The following ALX3 variants were observed in gnomAD, a reference collection of about 807,000 sequenced individuals.
The protein encoded by ALX3 is ALX homeobox 3.
In ALX3, 17 loss-of-function variants were observed where a neutral mutation model predicts 26.3. The ratio of observed to expected loss-of-function variants is 0.65; its 90% confidence interval spans 0.44 to 0.97. The LOEUF (loss-of-function observed/expected upper bound fraction) is 0.97, where lower values mean the gene tolerates loss of function less well. Among genes scored for constraint, ALX3 ranks in the 50% least tolerant of loss-of-function variants. The probability of loss-of-function intolerance (pLI) is 0.00; values close to 1 mark genes in which losing one functional copy is unlikely to be tolerated. For synonymous variants in ALX3, 208 were observed against 201.4 expected (o/e 1.03, Z -0.28); for missense variants, 461 against 466.5 (o/e 0.99, Z 0.11).
chr1:110,065,557 G>C (rs186330931), intron 1 of ALX3, among the ~76,000 whole-genome samples: 233 of 152,298 alleles, frequency 1.5e-3, no homozygotes, highest in African/African-American at 5.5e-3. Context: ...CTAAAATTGT[G>C]GTATCTGGGC....
At position 110,061,496 on chromosome 1, in the gene ALX3, C is replaced by T. The variant is rs375503292; in HGVS notation, c.662G>A (p.Arg221Gln). 105 of 1,614,104 alleles carry T rather than the reference C, an allele frequency of 6.5e-5. No homozygotes were observed. The highest frequency in any genetic ancestry group is 1.6e-4 in the Middle Eastern group (1 of 6,084). Residue 221 changes from arginine to glutamine, a missense_variant, in exon 3 of 4, where the codon CGG (arginine) becomes CAG (glutamine). By Grantham distance (43) the Arg-to-Gln change is conservative. This residue lies in a region of ALX3 where 169 missense variants were observed against 178.0 expected (regional missense o/e 0.95). Coordinates refer to ENST00000647563, the MANE Select transcript of ALX3 (RefSeq NM_006492.3). ...GTCATAGGCAGCCGTGAAGGGGTTCCGCCCCTCCTGGATCTTCCCATAACG... is the reference window on the plus strand; with the variant it reads ...GTCATAGGCAGCCGTGAAGGGGTTCTGCCCCTCCTGGATCTTCCCATAACG... ...RERYGKIQEG[R>Q]NPFTAAYDIS...
chr1:110,066,867 C>T (rs1354634475), intron 1 of ALX3, among the ~76,000 whole-genome samples: 2 of 152,152 alleles, frequency 1.3e-5, no homozygotes, highest in Non-Finnish European at 2.9e-5. Flanking sequence ...GACTTGCGTT[C>T]CCGACCTTGA....
chr1:110,061,395 A>T, intron 3 of ALX3, 40 bp downstream of exon 3: 1 of 1,614,064 alleles, frequency 6.2e-7, no homozygotes, highest in Admixed American at 1.7e-5. Context: ...CTTTTTGGTG[A>T]CCCTGCCAGG....
At chr1:110,063,139 T>G (rs1653694788) in intron 2 of ALX3, among the ~76,000 whole-genome samples, 1 of 152,312 alleles carries the variant, frequency 6.6e-6, no homozygotes, top group Non-Finnish European at 1.5e-5. Flanking sequence ...TGGCTACTCC[T>G]GCACCCTCTC....
chr1:110,068,514 C>T (rs1263687206), intron 1 of ALX3, among the ~76,000 whole-genome samples: 2 of 152,232 alleles, frequency 1.3e-5, no homozygotes, highest in Non-Finnish European at 2.9e-5. Flanking sequence ...TTTCGTTTGG[C>T]CTGTCCTCCG....
rs1381225139 is a variant in ALX3 at position 110,070,276 on chromosome 1, C to G, written c.277+60G>C. 3 of 1,284,972 alleles carry G rather than the reference C, an allele frequency of 2.3e-6. No homozygotes were observed. The African/African-American group carries it at 4.5e-5, about 19-fold the overall frequency. 79.6% of individuals were successfully genotyped at this position (1,284,972 alleles called of 1,614,324 possible). A position where few individuals can be genotyped will look rare whatever the true frequency, so the allele number is the denominator to read the frequency against. ...GATAAGCAGGAAGGCCCGGGTGGGCCCGGGTAAGGAAGAAGAAGAGAGGGT... is the reference window on the plus strand; with the variant it reads ...GATAAGCAGGAAGGCCCGGGTGGGCGCGGGTAAGGAAGAAGAAGAGAGGGT... On this transcript the variant is annotated intron_variant, in intron 1 of 3. Transcript: ENST00000647563.
At chr1:110,061,264 G>T (rs116674124) in intron 3 of ALX3, 171 bp downstream of exon 3, 3 of 1,172,316 alleles carry the variant, frequency 2.6e-6, no homozygotes, top group African/African-American at 1.5e-5. Flanking sequence ...TTTGTGTTCC[G>T]CATGCGTCAT....
intron 1 of ALX3, among the ~76,000 whole-genome samples, chr1:110,066,509 C>T (rs1347436110): frequency 1.3e-5 from 2 of 150,654 alleles, no homozygotes; most frequent in Admixed American, 1.3e-4. Context: ...GGAAGGAAGA[C>T]TCACAGAAGT....
intron 1 of ALX3, among the ~76,000 whole-genome samples, chr1:110,069,567 G>A (rs182956197): frequency 5.1e-4 from 78 of 152,366 alleles, no homozygotes; most frequent in Non-Finnish European, 8.1e-4. Flanking sequence ...AGCCCGCGGC[G>A]CCAGGGGGTT....
chr1:110,061,464 C>G lies in ALX3; in HGVS notation c.694G>C (p.Val232Leu). 1 of 1,614,222 alleles carries G rather than the reference C, an allele frequency of 6.2e-7. No homozygotes were observed. The highest frequency in any genetic ancestry group is 8.5e-7 in the Non-Finnish European group (1 of 1,180,032). The part of the protein sequence containing the change: ...NPFTAAYDIS[V>L]LPRTDSHPQL... ...GGGTGGCTGTCAGTACGGGGCAGCA[C>G]AGAGATGTCATAGGCAGCCGTGAAG... Residue 232 changes from valine (V) to leucine (L), a missense_variant, in exon 3 of 4, where the codon GTG (valine) becomes CTG (leucine). Physicochemically the swap from Val to Leu is conservative, Grantham distance 32. Transcript: ENST00000647563.
chr1:110,066,583 C>T (rs867368727), intron 1 of ALX3, among the ~76,000 whole-genome samples: 1 of 132,110 alleles, frequency 7.6e-6, no homozygotes, highest in Non-Finnish European at 1.7e-5. Context: ...CCCCCCCCCC[C>T]GCCCCCGCCA....
intron 2 of ALX3, chr1:110,062,639 G>A (rs1300086127): frequency 9.0e-4 from 1 of 1,116 alleles, no homozygotes; most frequent in Non-Finnish European, 1.2e-3. Flanking sequence ...GTGTGTGTGT[G>A]TGTGTGGAGT....
At chr1:110,067,012 C>G (rs1040805950) in intron 1 of ALX3, among the ~76,000 whole-genome samples, 5 of 152,206 alleles carry the variant, frequency 3.3e-5, no homozygotes, top group African/African-American at 1.2e-4. Context: ...CTCAAGGGAC[C>G]ACGGAACTGC....
At chr1:110,062,659 A>G (rs1303061496) in intron 2 of ALX3, 4 of 121,458 alleles carry the variant, frequency 3.3e-5, no homozygotes, top group East Asian at 2.2e-4. Context: ...TAATCCGTCT[A>G]CCCCAGCTGG....
At chr1:110,066,450 G>C (rs999568931) in intron 1 of ALX3, among the ~76,000 whole-genome samples, 1 of 152,060 alleles carries the variant, frequency 6.6e-6, no homozygotes, top group Non-Finnish European at 1.5e-5. Flanking sequence ...TTCCATTCTT[G>C]GGCCAGCACA....
intron 2 of ALX3, 109 bp from the exon 3 acceptor site, chr1:110,061,672 C>T: frequency 2.7e-6 from 4 of 1,494,626 alleles, no homozygotes; most frequent in Non-Finnish European, 3.6e-6. Context: ...GGAGCAGGCT[C>T]CAGGATGGAG....
chr1:110,060,044 T>C lies in ALX3; in HGVS notation c.*689A>G, dbSNP rs978053016. 1 of 152,262 alleles carries C rather than the reference T, an allele frequency of 6.6e-6. No individual in the cohort carries two copies. Among genetic ancestry groups the C allele is most frequent in the African/African-American group, 2.4e-5 (1 of 41,558 alleles). The allele number at this position is 152,262 out of a possible 1,614,324, so 9.4% of individuals were successfully genotyped here. On this transcript the variant is annotated 3_prime_UTR_variant, in exon 4 of 4. Transcript: ENST00000647563. ...TTACCAACATCCAATATCATTTCCA[T>C]GGCATAGCTCTGGGCTGGTCCCGTG... is the stretch of plus-strand genomic sequence containing the variant.
rs1240732822 is a variant in ALX3 at position 110,060,824 on chromosome 1, G to T, written c.941C>A (p.Pro314His). 1 of 1,613,946 alleles carries T rather than the reference G, an allele frequency of 6.2e-7. No individual in the cohort carries two copies. The highest frequency in any genetic ancestry group is 2.2e-5 in the East Asian group (1 of 44,886). ...PPTLGGHSFE[P>H]SSDGDYKSPS... ...AGACTTATAGTCACCATCTGAGGAAGGCTCAAAGCTGTGGCCCCCCAGGGT... is the reference window on the plus strand; with the variant it reads ...AGACTTATAGTCACCATCTGAGGAATGCTCAAAGCTGTGGCCCCCCAGGGT... The change falls in exon 4 of 4, where the codon CCT becomes CAT. Residue 314 changes from proline (P) to histidine (H), a missense_variant. Physicochemically the swap from Pro to His is moderately conservative, Grantham distance 77. Around this residue, in one of 3 missense-constraint regions of ALX3, gnomAD observed 169 missense variants for 178.0 expected, o/e 0.95. Transcript: ENST00000647563.
At position 110,060,850 on chromosome 1, in the gene ALX3, G is replaced by A. The variant is rs34775503; in HGVS notation, c.915C>T (p.Pro305=). ...PGIYSIHGFP[P]TLGGHSFEPS... is the part of the protein sequence containing the mutation. ...GCTCAAAGCTGTGGCCCCCCAGGGT[G>A]GGGGGAAAGCCATGGATGGAGTAGA... The change falls in exon 4 of 4, where the codon CCC becomes CCT. Residue 305 remains proline (P), a synonymous_variant. Transcript: ENST00000647563. 1,278 of 1,613,966 alleles carry A rather than the reference G, an allele frequency of 7.9e-4. 11 individuals are homozygous for A. In the African/African-American group the frequency reaches 0.015, roughly 19 times the overall value.
Sources: allele counts gnomAD v4.1 joint callset (sites outside exome capture counted in the v4.1 genomes callset), GRCh38; gene constraint gnomAD v4.1.1; regional missense constraint gnomAD v4.1.1; transcripts MANE v1.5; gene names NCBI Gene and HGNC (gene_info 2026-07-23, HGNC 2026-07-21).